The following LRRC4C variants were observed in gnomAD, a reference collection of about 807,000 sequenced individuals.
The protein encoded by LRRC4C is leucine-rich repeat-containing protein 4C.
In LRRC4C, 5 loss-of-function variants were observed where a neutral mutation model predicts 33.6. That is an observed-to-expected ratio of 0.15 (90% confidence interval 0.08 to 0.31). The LOEUF (loss-of-function observed/expected upper bound fraction) is 0.31. LRRC4C is among the 10% of genes least tolerant of loss of function. The probability of loss-of-function intolerance (pLI) is 1.00; values close to 1 mark genes in which losing one functional copy is unlikely to be tolerated. For synonymous variants in LRRC4C, 329 were observed against 302.0 expected (o/e 1.09, Z -0.93); for missense variants, 560 against 796.7 (o/e 0.70, Z 3.58).
intron 2 of LRRC4C, among the ~76,000 whole-genome samples, chr11:40,673,113 T>C (rs916469989): frequency 6.6e-6 from 1 of 152,178 alleles, no homozygotes; most frequent in East Asian, 1.9e-4. Context: ...CATGTTTTTT[T>C]TGGTCTGCTG....
chr11:40,867,649 AG>A (rs1226103667), intron 2 of LRRC4C, among the ~76,000 whole-genome samples: 1 of 152,202 alleles, frequency 6.6e-6, no homozygotes, highest in African/African-American at 2.4e-5. Flanking sequence ...TTATGTTAAC[AG>A]AGAAGATTTT....
chr11:40,298,896 G>A (rs1332451010), intron 4 of LRRC4C, among the ~76,000 whole-genome samples: 1 of 151,620 alleles, frequency 6.6e-6, no homozygotes, highest in African/African-American at 2.4e-5. Context: ...AAAAGAGCAT[G>A]GGGGGAAATG....
chr11:40,312,595 A>G (rs767869575), intron 4 of LRRC4C, among the ~76,000 whole-genome samples: 3 of 152,218 alleles, frequency 2.0e-5, no homozygotes, highest in Non-Finnish European at 4.4e-5. Context: ...CCAACCCTTC[A>G]TAGCACCAAC....
chr11:40,852,057 G>A (rs1953532299), intron 2 of LRRC4C, among the ~76,000 whole-genome samples: 1 of 151,840 alleles, frequency 6.6e-6, no homozygotes, highest in Non-Finnish European at 1.5e-5. Context: ...TTGAACTCCT[G>A]ACCTCATGAT....
At chr11:41,402,078 G>A (rs1954046707) in intron 1 of LRRC4C, among the ~76,000 whole-genome samples, 2 of 151,940 alleles carry the variant, frequency 1.3e-5, no homozygotes, top group African/African-American at 2.4e-5. Flanking sequence ...AGTCTAGTGG[G>A]ATAGAGAGAG....
intron 5 of LRRC4C, among the ~76,000 whole-genome samples, chr11:40,146,860 G>T (rs1857774842): frequency 6.6e-6 from 1 of 152,160 alleles, no homozygotes. Context: ...TCTAGATACT[G>T]TGGGAACTCT....
chr11:40,639,600 T>TC (rs1941986393), intron 3 of LRRC4C, among the ~76,000 whole-genome samples: 1 of 152,232 alleles, frequency 6.6e-6, no homozygotes, highest in African/African-American at 2.4e-5. Context: ...GGAGTCACTC[T>TC]CTGTAATAGA....
At chr11:40,772,227 G>T (rs931031453) in intron 2 of LRRC4C, among the ~76,000 whole-genome samples, 4 of 152,184 alleles carry the variant, frequency 2.6e-5, no homozygotes, top group Non-Finnish European at 5.9e-5. Flanking sequence ...ATGGTGGGAG[G>T]AGAGAGAAGT....
chr11:40,526,133 A>T (rs1021406869), intron 3 of LRRC4C, among the ~76,000 whole-genome samples: 45 of 152,112 alleles, frequency 3.0e-4, no homozygotes, highest in African/African-American at 9.2e-4. Flanking sequence ...AAAAATAAAG[A>T]TTTTACAAGA....
intron 3 of LRRC4C, among the ~76,000 whole-genome samples, chr11:40,414,918 C>T (rs990562422): frequency 1.4e-4 from 22 of 152,022 alleles, no homozygotes; most frequent in African/African-American, 4.3e-4. Flanking sequence ...CCACGAGGAG[C>T]GGAATAAACA....
chr11:41,405,974 C>T (rs1443093365), intron 1 of LRRC4C, among the ~76,000 whole-genome samples: 1 of 152,056 alleles, frequency 6.6e-6, no homozygotes, highest in Non-Finnish European at 1.5e-5. Flanking sequence ...AAAGATACTG[C>T]ATCTCATTCA....
Position 40,270,381 on chromosome 11 carries a change from T to C in LRRC4C, c.-175-28783A>G, listed in dbSNP as rs542856671. ...CACTGTATTCTCAGTCTTTCCTTTCTGCTTGCACATCTGGGTCCAGATTTC... is the reference window on the plus strand; with the variant it reads ...CACTGTATTCTCAGTCTTTCCTTTCCGCTTGCACATCTGGGTCCAGATTTC... On this transcript the variant is annotated intron_variant, in intron 4 of 6. Coordinates refer to ENST00000528697, the MANE Select transcript of LRRC4C (RefSeq NM_001258419.2). 1.4e-3 allele frequency among the ~76,000 whole-genome samples: 216 copies of C among 152,172 alleles called. 2 individuals carry two copies. Among genetic ancestry groups the C allele is most frequent in the African/African-American group, 5.0e-3 (207 of 41,538 alleles).
intron 2 of LRRC4C, among the ~76,000 whole-genome samples, chr11:40,872,814 A>G (rs1441532471): frequency 6.6e-6 from 1 of 152,162 alleles, no homozygotes; most frequent in African/African-American, 2.4e-5. Context: ...AATTTACTTC[A>G]CAGAATTATC....
chr11:41,022,310 A>C (rs201545629), intron 1 of LRRC4C, among the ~76,000 whole-genome samples: 1 of 151,262 alleles, frequency 6.6e-6, no homozygotes, highest in Admixed American at 6.6e-5. Context: ...TATCTTTAAA[A>C]AAAGTGAACT....
intron 2 of LRRC4C, among the ~76,000 whole-genome samples, chr11:40,660,677 T>G (rs1372856227): frequency 6.6e-6 from 1 of 152,184 alleles, no homozygotes; most frequent in African/African-American, 2.4e-5. Context: ...CAGCAGGCAC[T>G]GACACCCCCA....
At position 40,132,179 on chromosome 11, in the gene LRRC4C, C is replaced by T. The variant is rs181564784; in HGVS notation, c.-43+8622G>A. On this transcript the variant is annotated intron_variant, in intron 6 of 6. Transcript: ENST00000528697. ...TGTTAGAGTTCTAGCTATAAATTAG[C>T]GAATTGACATTCTGCTCTATATATC... is the stretch of plus-strand genomic sequence containing the variant. Among the ~76,000 whole-genome samples, 10 of 152,204 alleles carry T rather than the reference C, an allele frequency of 6.6e-5. 1 individual carries two copies. Among genetic ancestry groups the T allele is most frequent in the South Asian group, 6.2e-4 (3 of 4,816 alleles).
intron 2 of LRRC4C, among the ~76,000 whole-genome samples, chr11:40,674,229 C>T (rs1334063714): frequency 1.3e-5 from 2 of 150,340 alleles, no homozygotes; most frequent in South Asian, 2.1e-4. Context: ...TGAGACTAGA[C>T]TAAATGTCAA....
At chr11:40,630,802 A>T (rs911495207) in intron 3 of LRRC4C, among the ~76,000 whole-genome samples, 16 of 152,288 alleles carry the variant, frequency 1.1e-4, no homozygotes, top group African/African-American at 3.4e-4. Flanking sequence ...AGGCATTAGT[A>T]ATCTTAACGT....
chr11:41,337,650 C>A (rs1951499640), intron 1 of LRRC4C, among the ~76,000 whole-genome samples: 3 of 151,984 alleles, frequency 2.0e-5, no homozygotes, highest in Non-Finnish European at 4.4e-5. Context: ...TATGAAAAGG[C>A]CAAAAGCAAT....
Sources: gnomAD v4.1 joint callset for allele counts (sites outside exome capture counted in the v4.1 genomes callset) on GRCh38, gnomAD v4.1.1 for gene constraint, MANE v1.5 for transcripts, NCBI Gene and HGNC (gene_info 2026-07-23, HGNC 2026-07-21) for gene names.